The following WDR64 variants were observed in gnomAD, a reference collection of about 807,000 sequenced individuals.
WDR64 encodes WD repeat-containing protein 64.
Under a neutral mutation model 139.3 loss-of-function variants are expected in WDR64, and 112 were observed. The observed-to-expected ratio is 0.80, with a 90% CI of 0.69 to 0.94. WDR64 has a LOEUF of 0.94. Ranked by LOEUF, WDR64 falls within the 40% of genes least tolerant of loss-of-function variation. The pLI is 0.00. For synonymous variants in WDR64, 444 were observed against 437.7 expected, an observed-to-expected ratio of 1.01 and a Z score of -0.18; for missense variants, 1,206 against 1,293.1, an observed-to-expected ratio of 0.93 and a Z score of 1.03.
At chr1:241,690,616 C>G (rs906347639) in intron 8 of WDR64, among the ~76,000 whole-genome samples, 2 of 152,216 alleles carry the variant, frequency 1.3e-5, no homozygotes, top group South Asian at 4.1e-4. Context: ...AGAAGACCTA[C>G]CAGCCTAGAA....
chr1:241,744,243 G>A (rs1428410897), intron 12 of WDR64, 150 bp from the exon 13 acceptor site: 7 of 960,008 alleles, frequency 7.3e-6, no homozygotes, highest in African/African-American at 6.7e-5. Context: ...AACTTTCTTT[G>A]ATAAAACCAA....
At chr1:241,716,259 A>G (rs951423077) in intron 9 of WDR64, among the ~76,000 whole-genome samples, 1 of 146,634 alleles carries the variant, frequency 6.8e-6, no homozygotes, top group Non-Finnish European at 1.5e-5. Flanking sequence ...ACATTTGATG[A>G]GCTTCAAAAA....
chr1:241,675,042 CT>C (rs1666444731), intron 4 of WDR64, among the ~76,000 whole-genome samples: 1 of 37,224 alleles, frequency 2.7e-5, no homozygotes, highest in Non-Finnish European at 6.0e-5. Flanking sequence ...CCTCCTTCTT[CT>C]TTCCTTCCTT....
chr1:241,740,090 A>C (rs774190344), intron 11 of WDR64, among the ~76,000 whole-genome samples: 14 of 152,212 alleles, frequency 9.2e-5, no homozygotes, highest in Non-Finnish European at 1.2e-4. Flanking sequence ...ATAAATGGAG[A>C]AACTGAATCT....
At chr1:241,674,297 C>T (rs1446197333) in intron 3 of WDR64, among the ~76,000 whole-genome samples, 3 of 120,824 alleles carry the variant, frequency 2.5e-5, no homozygotes, top group East Asian at 5.0e-4. Flanking sequence ...CTCGCTCTGT[C>T]ACCCAGGCTG....
At chr1:241,732,828 A>AC in intron 10 of WDR64, among the ~76,000 whole-genome samples, 1 of 151,422 alleles carries the variant, frequency 6.6e-6, no homozygotes, top group African/African-American at 2.4e-5. Context: ...CAAAAAAAAA[A>AC]CCAAAAAAAC....
At chr1:241,676,352 A>G (rs1032106794) in intron 4 of WDR64, 5 of 152,250 alleles carry the variant, frequency 3.3e-5, no homozygotes, top group African/African-American at 1.2e-4. Context: ...TAGCATCATT[A>G]GAGTTCCTCA....
chr1:241,672,885 A>G (rs913286127), intron 3 of WDR64, among the ~76,000 whole-genome samples: 1 of 152,154 alleles, frequency 6.6e-6, no homozygotes, highest in African/African-American at 2.4e-5. Flanking sequence ...GGACAGGTGT[A>G]CTGGGACTTG....
At chr1:241,783,984 G>A (rs574184666) in intron 23 of WDR64, among the ~76,000 whole-genome samples, 1 of 152,310 alleles carries the variant, frequency 6.6e-6, no homozygotes, top group Non-Finnish European at 1.5e-5. Context: ...TTAAAAGAAT[G>A]AAGTTAGGTA....
intron 22 of WDR64, among the ~76,000 whole-genome samples, chr1:241,782,794 C>G (rs529152084): frequency 1.3e-5 from 2 of 152,110 alleles, no homozygotes; most frequent in Non-Finnish European, 2.9e-5. Context: ...CCACCCCATA[C>G]TCCCCCCAAA....
chr1:241,790,772 A>C, intron 25 of WDR64, 76 bp downstream of exon 25: 1 of 1,043,168 alleles, frequency 9.6e-7, no homozygotes, highest in Non-Finnish European at 1.4e-6. Flanking sequence ...GAATTCAAAT[A>C]TGTCCAGTAA....
At position 241,757,403 on chromosome 1, in the gene WDR64, A is replaced by G. The variant is rs779862935; in HGVS notation, c.1891A>G (p.Ile631Val). The G allele has an allele frequency of 6.8e-6, 11 of 1,613,866 alleles. 1 individual carries two copies. The South Asian group carries it at 9.9e-5, about 15-fold the overall frequency. The change falls in exon 15 of 28, where the codon ATT becomes GTT. Residue 631 changes from isoleucine (I) to valine (V), a missense_variant. By Grantham distance (29) the Ile-to-Val change is conservative. Transcript: ENST00000437684. The part of the protein sequence containing the change: ...RMSTRDRNMA[I>V]PFPDVELIVE... ...GTCTACTAGAGACAGGAACATGGCT[A>G]TTCCTTTCCCAGATGTCGAGTTGAT...
At chr1:241,768,346 A>G (rs1403623441) in intron 16 of WDR64, among the ~76,000 whole-genome samples, 1 of 152,190 alleles carries the variant, frequency 6.6e-6, no homozygotes, top group Non-Finnish European at 1.5e-5. Context: ...CCCAGGTTTA[A>G]AAGTTCTGAA....
chr1:241,678,126 G>A (rs1666631256), intron 4 of WDR64, 61 bp from the exon 5 acceptor site: 1 of 398,634 alleles, frequency 2.5e-6, no homozygotes, highest in Non-Finnish European at 4.4e-6. Flanking sequence ...TTTAGAGTCA[G>A]CATTCTCATC....
rs1339523848 is a variant in WDR64, at chr1:241,735,220, T to C, written c.1195-3143T>C. ...TCTGTTTTGATATTTATTCATGTTG[T>C]TACATATAGCTCTAGTTCATTTGTT... On this transcript the variant is annotated intron_variant, in intron 10 of 27. Transcript: ENST00000437684. Among the ~76,000 whole-genome samples the C allele has an allele frequency of 5.9e-5, 9 of 152,334 alleles. No individual in the cohort carries two copies. The East Asian group carries it at 1.7e-3, about 29-fold the overall frequency.
intron 25 of WDR64, among the ~76,000 whole-genome samples, chr1:241,791,515 T>G (rs1173298004): frequency 4.6e-5 from 7 of 151,958 alleles, no homozygotes; most frequent in Non-Finnish European, 1.0e-4. Context: ...AAAAAATTGT[T>G]TTAAAAGTAG....
At chr1:241,776,414 A>G (rs1174649554) in intron 21 of WDR64, among the ~76,000 whole-genome samples, 1 of 152,080 alleles carries the variant, frequency 6.6e-6, no homozygotes. Context: ...ACAACAAACC[A>G]TTTCGTACTG....
At chr1:241,792,363 T>C (rs1339735057) in intron 25 of WDR64, among the ~76,000 whole-genome samples, 6 of 152,084 alleles carry the variant, frequency 3.9e-5, no homozygotes, top group African/African-American at 7.2e-5. Flanking sequence ...GGTGAAACCC[T>C]GTCTCTACTA....
intron 10 of WDR64, among the ~76,000 whole-genome samples, chr1:241,728,327 A>T (rs1423348056): frequency 7.1e-6 from 1 of 141,046 alleles, no homozygotes; most frequent in East Asian, 2.0e-4. Context: ...AGCGAGACTC[A>T]GTCTCAGAAA....
Sources: allele counts gnomAD v4.1 joint callset (sites outside exome capture counted in the v4.1 genomes callset), GRCh38; gene constraint gnomAD v4.1.1; transcripts MANE v1.5; gene names NCBI Gene and HGNC (gene_info 2026-07-23, HGNC 2026-07-21).